The following FAM3B variants were observed in gnomAD, a reference collection of about 807,000 sequenced individuals.
FAM3B encodes the protein protein FAM3B.
In FAM3B, 29 loss-of-function variants were observed where a neutral mutation model predicts 28.4. That is an observed-to-expected ratio of 1.02 (90% CI 0.76 to 1.39). The LOEUF (loss-of-function observed/expected upper bound fraction) is 1.39, where lower values mean the gene tolerates loss of function less well. FAM3B is among the 40% of genes most tolerant of loss of function. FAM3B has a pLI of 0.00. For synonymous variants in FAM3B, 91 were observed against 103.0 expected (o/e 0.88, Z 0.71); for missense variants, 266 against 293.9 (o/e 0.91, Z 0.69).
intron 2 of FAM3B, among the ~76,000 whole-genome samples, chr21:41,324,435 G>A (rs540291116): frequency 1.3e-5 from 2 of 152,304 alleles, no homozygotes; most frequent in South Asian, 4.2e-4. Context: ...CCAGTGGCCA[G>A]TAAAGTCACA....
intron 2 of FAM3B, among the ~76,000 whole-genome samples, chr21:41,327,800 A>G (rs1366029695): frequency 1.3e-5 from 2 of 152,226 alleles, no homozygotes; most frequent in East Asian, 3.8e-4. Flanking sequence ...AGCTGCTGCC[A>G]TACTGTTGTC....
intron 3 of FAM3B, 26 bp from the exon 4 acceptor site, chr21:41,344,450 T>C (rs376888691): frequency 1.2e-4 from 194 of 1,612,120 alleles, no homozygotes; most frequent in Non-Finnish European, 1.5e-4. Context: ...CTCTTGGTAC[T>C]TGACTAATGC....
upstream of FAM3B, among the ~76,000 whole-genome samples, chr21:41,312,755 G>T (rs993793469): frequency 2.1e-4 from 32 of 151,252 alleles, 1 homozygote; most frequent in East Asian, 5.2e-3. Flanking sequence ...GTGTGTGTAT[G>T]ATGTCTGCAT....
intron 2 of FAM3B, among the ~76,000 whole-genome samples, chr21:41,325,745 C>A (rs1003586212): frequency 1.3e-5 from 2 of 152,222 alleles, no homozygotes; most frequent in African/African-American, 4.8e-5. Flanking sequence ...CCTCTCCACC[C>A]TTCCAAGTCC....
intron 1 of FAM3B, among the ~76,000 whole-genome samples, chr21:41,322,394 T>C (rs2088814773): frequency 6.6e-6 from 1 of 152,200 alleles, no homozygotes; most frequent in Non-Finnish European, 1.5e-5. Context: ...TTCCCAGTAT[T>C]ACGGGGCCAG....
chr21:41,312,105 G>A (rs2088718059), upstream of FAM3B, among the ~76,000 whole-genome samples: 1 of 152,178 alleles, frequency 6.6e-6, no homozygotes, highest in African/African-American at 2.4e-5. Flanking sequence ...CACAACATGT[G>A]GGAATTATGG....
chr21:41,349,656 T>C (rs1194232856), intron 7 of FAM3B, among the ~76,000 whole-genome samples: 1 of 152,160 alleles, frequency 6.6e-6, no homozygotes, highest in African/African-American at 2.4e-5. Flanking sequence ...GGCATCTTCT[T>C]GTTGCCATGA....
In FAM3B at chr21:41,356,901, A is replaced by T. The variant is rs190683438; in HGVS notation, c.619-207A>T. On this transcript the variant is annotated intron_variant, in intron 7 of 7. Coordinates refer to ENST00000357985, the MANE Select transcript of FAM3B (RefSeq NM_058186.4). ...TTTACACATGATATGGACATATCAC[A>T]TTATCACATATACTCCAAAAATATG... is the stretch of plus-strand genomic sequence containing the variant. Among the ~76,000 whole-genome samples, 21 of 152,302 alleles carry T rather than the reference A, an allele frequency of 1.4e-4. 1 individual carries two copies. In the East Asian group the frequency reaches 3.9e-3, roughly 28 times the overall value.
chr21:41,356,760 T>G (rs1281661671), intron 7 of FAM3B, among the ~76,000 whole-genome samples: 2 of 152,234 alleles, frequency 1.3e-5, no homozygotes, highest in Non-Finnish European at 2.9e-5. Context: ...TTAGAGCAAC[T>G]ATAGTTAAAA....
rs757972880 is a variant in FAM3B at position 41,357,140 on chromosome 21, T to C, written c.651T>C (p.Tyr217=). ...ACTCTGATGCTAAGAACAACAGATATTCTGGCTGGCCTGCAGAGATCCAGA... is the reference window on the plus strand; with the variant it reads ...ACTCTGATGCTAAGAACAACAGATACTCTGGCTGGCCTGCAGAGATCCAGA... ...INHSDAKNNR[Y]SGWPAEIQIE... Residue 217 remains tyrosine, a synonymous_variant, in exon 8 of 8, where the codon TAT becomes TAC. Coordinates refer to ENST00000357985, the MANE Select transcript of FAM3B (RefSeq NM_058186.4). 6 of 1,613,588 alleles carry C rather than the reference T, an allele frequency of 3.7e-6. No individual in the cohort carries two copies. The highest frequency in any genetic ancestry group is 2.2e-5 in the South Asian group (2 of 91,020).
At chr21:41,312,335 G>T (rs757009653), upstream of FAM3B, among the ~76,000 whole-genome samples, 5 of 152,152 alleles carry the variant, frequency 3.3e-5, no homozygotes, top group Non-Finnish European at 7.3e-5. Context: ...TCATTTAAAA[G>T]TGCTGGTTCA....
intron 2 of FAM3B, among the ~76,000 whole-genome samples, chr21:41,328,446 G>A (rs1320001182): frequency 2.6e-5 from 4 of 151,992 alleles, no homozygotes; most frequent in South Asian, 2.1e-4. Context: ...TTTATAGCAC[G>A]TTTTCATATG....
At chr21:41,344,411 G>T (rs2089037435) in intron 3 of FAM3B, 65 bp from the exon 4 acceptor site, 2 of 1,476,464 alleles carry the variant, frequency 1.4e-6, no homozygotes, top group Admixed American at 1.7e-5. Flanking sequence ...GTCAGGCGAA[G>T]ACTTCGCGGA....
At chr21:41,311,450 G>A (rs1294608148) in intron 1 of FAM3B, among the ~76,000 whole-genome samples, 1 of 148,146 alleles carries the variant, frequency 6.8e-6, no homozygotes, top group East Asian at 2.0e-4. Context: ...GTGACAGAGT[G>A]AGACCCTGTA....
At chr21:41,316,982 G>C (rs1402891725) in intron 1 of FAM3B, 84 bp downstream of exon 1, 1 of 1,168,586 alleles carries the variant, frequency 8.6e-7, no homozygotes, top group Non-Finnish European at 1.1e-6. Flanking sequence ...CCCTGCCTGG[G>C]ACCCGCCACG....
At chr21:41,343,161 G>A (rs759349660) in intron 3 of FAM3B, among the ~76,000 whole-genome samples, 27 of 152,160 alleles carry the variant, frequency 1.8e-4, no homozygotes, top group Non-Finnish European at 8.8e-5. Flanking sequence ...CCCTGACCCT[G>A]GCTTCCAACT....
chr21:41,310,277 C>T (rs1411195614), intron 1 of FAM3B, among the ~76,000 whole-genome samples: 1 of 152,068 alleles, frequency 6.6e-6, no homozygotes. Flanking sequence ...TTGGTGGCAC[C>T]ACGTGACCAT....
intron 7 of FAM3B, 39 bp from the exon 8 acceptor site, chr21:41,357,069 G>A (rs1044848865): frequency 6.9e-7 from 1 of 1,455,754 alleles, no homozygotes; most frequent in East Asian, 2.3e-5. Flanking sequence ...TTGTTTATTA[G>A]ATTAATGAAT....
chr21:41,352,604 C>A (rs1328175686), intron 7 of FAM3B, among the ~76,000 whole-genome samples: 5 of 152,020 alleles, frequency 3.3e-5, no homozygotes, highest in Admixed American at 2.0e-4. Flanking sequence ...ACCAGCCTGG[C>A]CAACATGGTG....
Sources: gnomAD v4.1 joint callset for allele counts (sites outside exome capture counted in the v4.1 genomes callset) on GRCh38, gnomAD v4.1.1 for gene constraint, MANE v1.5 for transcripts, NCBI Gene and HGNC (gene_info 2026-07-23, HGNC 2026-07-21) for gene names.